The following LEPR variants were observed in gnomAD, a reference collection of about 807,000 sequenced individuals.
LEPR encodes leptin receptor.
Under a neutral mutation model 114.7 loss-of-function variants are expected in LEPR, and 56 were observed. The ratio of observed to expected loss-of-function variants is 0.49; its 90% confidence interval spans 0.39 to 0.61. LEPR has a LOEUF of 0.61. Ranked by LOEUF, LEPR falls within the 20% of genes least tolerant of loss-of-function variation. The pLI is 0.00. For synonymous variants in LEPR, 443 were observed against 461.4 expected (o/e 0.96, Z 0.51); for missense variants, 1,202 against 1,352.9 (o/e 0.89, Z 1.75).
chr1:65,613,084 G>T (rs1657279723), intron 14 of LEPR, among the ~76,000 whole-genome samples: 1 of 152,142 alleles, frequency 6.6e-6, no homozygotes, highest in Admixed American at 6.5e-5. Flanking sequence ...TTCTGCATGG[G>T]AGATTTGTCT....
rs972482320 is a variant in LEPR at position 65,598,662 on chromosome 1, T to G, written c.852T>G (p.Ala284=). The G allele has an allele frequency of 3.0e-5, 48 of 1,612,978 alleles. No homozygotes were observed. The highest frequency in any genetic ancestry group is 4.0e-5 in the Non-Finnish European group (47 of 1,179,584). Residue 284 remains alanine (A), a splice_region_variant and synonymous_variant, in exon 8 of 20, where the codon GCT becomes GCG. Coordinates refer to ENST00000349533, the MANE Select transcript of LEPR (RefSeq NM_002303.6). ...SENSTTVIRE[A]DKIVSATSLL... is the part of the protein sequence containing the mutation. The stretch of plus-strand genomic sequence containing the variant: ...TGTTTTAATATAATATTTAACAGGC[T>G]GACAAGATTGTCTCAGCTACATCCC...
chr1:65,424,043 T>C (rs1033530520), intron 1 of LEPR, among the ~76,000 whole-genome samples: 4 of 152,308 alleles, frequency 2.6e-5, no homozygotes, highest in African/African-American at 9.6e-5. Flanking sequence ...AGGATTAGCT[T>C]CTACCCAAAG....
intron 1 of LEPR, among the ~76,000 whole-genome samples, chr1:65,423,067 T>C (rs1023586416): frequency 1.3e-5 from 2 of 152,208 alleles, no homozygotes. Flanking sequence ...GTCAGTCCTC[T>C]AAGATAGGAC....
chr1:65,508,262 C>T (rs1025744926), intron 2 of LEPR, among the ~76,000 whole-genome samples: 2 of 152,154 alleles, frequency 1.3e-5, no homozygotes, highest in Admixed American at 6.5e-5. Context: ...AATCATTCCC[C>T]AGACCAATGT....
intron 4 of LEPR, 28 bp from the exon 5 acceptor site, chr1:65,572,298 T>C: frequency 7.1e-7 from 1 of 1,408,704 alleles, no homozygotes; most frequent in Non-Finnish European, 9.2e-7. Flanking sequence ...TTGTTTTTTT[T>C]TTTTTTTTTT....
At chr1:65,477,896 T>C (rs1434761187) in intron 2 of LEPR, among the ~76,000 whole-genome samples, 1 of 152,226 alleles carries the variant, frequency 6.6e-6, no homozygotes, top group African/African-American at 2.4e-5. Context: ...CCACAGCTCT[T>C]CATCCCTTTA....
rs142766857 is a variant in LEPR, at chr1:65,619,543, A to T, written c.2396-385A>T. Among the ~76,000 whole-genome samples, 359 of 152,206 alleles carry T rather than the reference A, an allele frequency of 2.4e-3. 2 individuals carry two copies. Among genetic ancestry groups the T allele is most frequent in the African/African-American group, 8.1e-3 (338 of 41,542 alleles). On this transcript the variant is annotated intron_variant, in intron 16 of 19. Transcript: ENST00000349533. ...AAACTAAGTAAGCTGAATTCCTATT[A>T]AAAAAAGGAGTATTGCCCACTTTGG...
At chr1:65,608,683 T>C in intron 11 of LEPR, 70 bp from the exon 12 acceptor site, 1 of 1,503,224 alleles carries the variant, frequency 6.7e-7, no homozygotes, top group South Asian at 1.2e-5. Flanking sequence ...TATGAAAATA[T>C]AACACAATGT....
At chr1:65,590,913 G>A (rs11208682) in intron 5 of LEPR, among the ~76,000 whole-genome samples, 75,640 of 150,134 alleles carry the variant, frequency 0.5, 19,929 homozygotes, top group East Asian at 0.88. Context: ...TTGTTAAGAC[G>A]GAAGCTGAGG....
chr1:65,428,650 C>T (rs1646425869), intron 2 of LEPR, among the ~76,000 whole-genome samples: 1 of 152,074 alleles, frequency 6.6e-6, no homozygotes, highest in African/African-American at 2.4e-5. Context: ...CTTGTAGGTG[C>T]TGTCTGGGCG....
chr1:65,535,767 C>T (rs941955888), intron 2 of LEPR, among the ~76,000 whole-genome samples: 1 of 152,144 alleles, frequency 6.6e-6, no homozygotes, highest in African/African-American at 2.4e-5. Context: ...ACTTGCAAAT[C>T]AATTCTTATG....
At chr1:65,425,454 G>A (rs765588011) in intron 2 of LEPR, 76 bp downstream of exon 2, 27 of 1,284,688 alleles carry the variant, frequency 2.1e-5, no homozygotes, top group South Asian at 1.4e-4. Context: ...TAGAGAGTTC[G>A]GTCAATTTAG....
rs1658783564 is a variant in LEPR, at chr1:65,638,359, G to T, written c.*1344G>T. The T allele has an allele frequency of 6.6e-6, 1 of 152,072 alleles. No individual in the cohort carries two copies. 9.4% of individuals were successfully genotyped at this position (152,072 alleles called of 1,614,324 possible). A position where few individuals can be genotyped will look rare whatever the true frequency, so the allele number is the denominator to read the frequency against. ...TATTATTTATTCAACTTTTGGTACGGTAAAAAAATTCAAAGACAGCATATT... is the reference window on the plus strand; with the variant it reads ...TATTATTTATTCAACTTTTGGTACGTTAAAAAAATTCAAAGACAGCATATT... On this transcript the variant is annotated 3_prime_UTR_variant, in exon 20 of 20. Transcript: ENST00000349533.
intron 2 of LEPR, among the ~76,000 whole-genome samples, chr1:65,484,090 C>G (rs937538646): frequency 2.0e-5 from 3 of 151,984 alleles, no homozygotes; most frequent in Non-Finnish European, 4.4e-5. Context: ...CCCCTAGCTT[C>G]AAGAGATCCT....
rs1348322153 is a variant in LEPR at position 65,636,322 on chromosome 1, G to A, written c.2805G>A (p.Met935Ile). Residue 935 changes from methionine to isoleucine, a missense_variant, in exon 20 of 20, where the codon ATG (methionine) becomes ATA (isoleucine). Coordinates refer to ENST00000349533, the MANE Select transcript of LEPR (RefSeq NM_002303.6). ...DTSWKNKDEM[M>I]PTTVVSLLST... ...CATGGAAAAATAAAGATGAGATGAT[G>A]CCAACAACTGTGGTCTCTCTACTTT... The A allele has an allele frequency of 6.2e-7, 1 of 1,614,042 alleles. No homozygotes were observed. Among genetic ancestry groups the A allele is most frequent in the South Asian group, 1.1e-5 (1 of 91,080 alleles).
intron 2 of LEPR, among the ~76,000 whole-genome samples, chr1:65,457,095 G>A (rs150709025): frequency 0.022 from 3,346 of 152,112 alleles, 74 homozygotes; most frequent in South Asian, 0.092. Context: ...TAGTAACAAA[G>A]TAACCCAATT....
intron 10 of LEPR, among the ~76,000 whole-genome samples, chr1:65,603,112 G>C (rs975791609): frequency 6.6e-6 from 1 of 152,110 alleles, no homozygotes; most frequent in Non-Finnish European, 1.5e-5. Flanking sequence ...GTAAAACAGA[G>C]AGAATAATAG....
intron 1 of LEPR, among the ~76,000 whole-genome samples, chr1:65,422,873 C>T (rs1179451371): frequency 6.6e-6 from 1 of 152,148 alleles, no homozygotes; most frequent in African/African-American, 2.4e-5. Context: ...AAAGGGATGG[C>T]AGCGGTGATA....
At chr1:65,480,741 C>T (rs765692581) in intron 2 of LEPR, among the ~76,000 whole-genome samples, 2 of 152,044 alleles carry the variant, frequency 1.3e-5, no homozygotes, top group Non-Finnish European at 2.9e-5. Flanking sequence ...AGTTGAGTAG[C>T]TTGTCAAAGT....
Sources: allele counts gnomAD v4.1 joint callset (sites outside exome capture counted in the v4.1 genomes callset), GRCh38; gene constraint gnomAD v4.1.1; transcripts MANE v1.5; gene names NCBI Gene and HGNC (gene_info 2026-07-23, HGNC 2026-07-21).